LRRC4C: variants seen among roughly 807,000 people sequenced by gnomAD.
LRRC4C encodes the protein leucine rich repeat containing 4C.
In LRRC4C, 5 loss-of-function variants were observed where a neutral mutation model predicts 33.6. The ratio of observed to expected loss-of-function variants is 0.15; its 90% confidence interval spans 0.08 to 0.31. LRRC4C has a LOEUF of 0.31. Among genes scored for constraint, LRRC4C ranks in the 10% least tolerant of loss-of-function variants. The probability of loss-of-function intolerance (pLI) is 1.00; values close to 1 mark genes in which losing one functional copy is unlikely to be tolerated. For missense variants in LRRC4C, 560 were observed against 796.7 expected, an observed-to-expected ratio of 0.70 and a Z score of 3.58; for synonymous variants, 329 against 302.0, an observed-to-expected ratio of 1.09 and a Z score of -0.93.
chr11:40,562,027 T>A (rs1565507077), intron 3 of LRRC4C, among the ~76,000 whole-genome samples: 2 of 152,200 alleles, frequency 1.3e-5, no homozygotes, highest in Non-Finnish European at 2.9e-5. Context: ...AGAGAAAATA[T>A]CACCCACATA....
chr11:40,443,336 C>G (rs772085739), intron 3 of LRRC4C, among the ~76,000 whole-genome samples: 1 of 152,166 alleles, frequency 6.6e-6, no homozygotes, highest in Non-Finnish European at 1.5e-5. Context: ...GCTTTCATTG[C>G]TATTACAAAT....
At chr11:40,777,612 C>T (rs1203504439) in intron 2 of LRRC4C, among the ~76,000 whole-genome samples, 3 of 150,388 alleles carry the variant, frequency 2.0e-5, no homozygotes, top group South Asian at 4.3e-4. Flanking sequence ...TAATGCTTTA[C>T]TCTGAGTCTT....
At chr11:41,239,151 TAA>T (rs71466925) in intron 1 of LRRC4C, among the ~76,000 whole-genome samples, 237 of 112,710 alleles carry the variant, frequency 2.1e-3, no homozygotes, top group African/African-American at 2.8e-3. Context: ...CCGTCTCTAC[TAA>T]AAAAAAAAAA....
chr11:41,087,406 A>G (rs1940083609), intron 1 of LRRC4C, among the ~76,000 whole-genome samples: 1 of 152,194 alleles, frequency 6.6e-6, no homozygotes, highest in Non-Finnish European at 1.5e-5. Context: ...TTCAATGGTC[A>G]TGAGCATTTC....
At chr11:40,596,554 C>A (rs1186039416) in intron 3 of LRRC4C, among the ~76,000 whole-genome samples, 1 of 151,876 alleles carries the variant, frequency 6.6e-6, no homozygotes, top group African/African-American at 2.4e-5. Context: ...CTTATTAATT[C>A]TACCTAAGCA....
intron 3 of LRRC4C, among the ~76,000 whole-genome samples, chr11:40,539,051 T>C (rs143884508): frequency 6.6e-6 from 1 of 152,150 alleles, no homozygotes; most frequent in Non-Finnish European, 1.5e-5. Flanking sequence ...CACTCTTTAG[T>C]CCCTCCACAA....
intron 1 of LRRC4C, among the ~76,000 whole-genome samples, chr11:41,405,491 G>GA (rs756160270): frequency 1.3e-5 from 2 of 152,034 alleles, no homozygotes; most frequent in Non-Finnish European, 2.9e-5. Flanking sequence ...TAGGCTGTTG[G>GA]AAAAATAAGA....
chr11:40,647,507 T>A (rs966430883), intron 3 of LRRC4C, among the ~76,000 whole-genome samples: 8 of 152,210 alleles, frequency 5.3e-5, no homozygotes, highest in African/African-American at 1.9e-4. Flanking sequence ...AACCCAATCC[T>A]CCAGCTTACA....
At chr11:41,018,207 A>G (rs1312096694) in intron 1 of LRRC4C, among the ~76,000 whole-genome samples, 1 of 152,242 alleles carries the variant, frequency 6.6e-6, no homozygotes, top group Non-Finnish European at 1.5e-5. Context: ...ATATACTATT[A>G]GCTTAAGTGA....
At chr11:41,400,895 G>T (rs1954000872) in intron 1 of LRRC4C, among the ~76,000 whole-genome samples, 1 of 151,830 alleles carries the variant, frequency 6.6e-6, no homozygotes, top group African/African-American at 2.4e-5. Flanking sequence ...TTTGTCCCCT[G>T]TTCCCATAAA....
At chr11:40,406,070 C>T (rs919703353) in intron 3 of LRRC4C, among the ~76,000 whole-genome samples, 8 of 152,068 alleles carry the variant, frequency 5.3e-5, no homozygotes, top group African/African-American at 1.4e-4. Context: ...CAGATCACTG[C>T]GGGATGGCGC....
At chr11:40,134,018 A>C (rs1199033401) in intron 6 of LRRC4C, among the ~76,000 whole-genome samples, 3 of 152,108 alleles carry the variant, frequency 2.0e-5, no homozygotes, top group Non-Finnish European at 4.4e-5. Context: ...TCCTAGAGAA[A>C]TTCTATTCTC....
At chr11:40,642,873 A>T (rs11035986) in intron 3 of LRRC4C, among the ~76,000 whole-genome samples, 24,073 of 152,182 alleles carry the variant, frequency 0.16, 1,927 homozygotes, top group Non-Finnish European at 0.18. Context: ...CATTTTAGAC[A>T]TCAAAAAAGA....
At chr11:40,847,358 G>C (rs533308331) in intron 2 of LRRC4C, among the ~76,000 whole-genome samples, 2 of 152,094 alleles carry the variant, frequency 1.3e-5, no homozygotes, top group African/African-American at 2.4e-5. Context: ...TAGCATGAAG[G>C]AGTGTTGAAT....
intron 3 of LRRC4C, among the ~76,000 whole-genome samples, chr11:40,630,594 A>G (rs1402816390): frequency 6.6e-6 from 1 of 152,100 alleles, no homozygotes; most frequent in African/African-American, 2.4e-5. Flanking sequence ...AGAAAGGTTA[A>G]ATAAATTATC....
intron 2 of LRRC4C, among the ~76,000 whole-genome samples, chr11:40,900,722 A>G (rs1019995500): frequency 6.6e-6 from 1 of 151,974 alleles, no homozygotes; most frequent in Non-Finnish European, 1.5e-5. Context: ...TTGTAATCCC[A>G]TTGCAAGTGT....
intron 2 of LRRC4C, among the ~76,000 whole-genome samples, chr11:40,741,986 A>G (rs1948178390): frequency 6.6e-6 from 1 of 152,044 alleles, no homozygotes; most frequent in Admixed American, 6.6e-5. Flanking sequence ...TGTTACTCCT[A>G]GCTAGAATCA....
At chr11:40,577,308 C>A (rs1174229846) in intron 3 of LRRC4C, among the ~76,000 whole-genome samples, 1 of 152,216 alleles carries the variant, frequency 6.6e-6, no homozygotes, top group African/African-American at 2.4e-5. Context: ...ATACCCTCTG[C>A]ACTTTTCATA....
chr11:40,329,534 C>T (rs553163600), intron 3 of LRRC4C, among the ~76,000 whole-genome samples: 1 of 152,108 alleles, frequency 6.6e-6, no homozygotes, highest in Non-Finnish European at 1.5e-5. Flanking sequence ...CCTTTGTGTA[C>T]CTCGTGGTAT....
Sources: gnomAD v4.1 joint callset for allele counts (sites outside exome capture counted in the v4.1 genomes callset) on GRCh38, gnomAD v4.1.1 for gene constraint, MANE v1.5 for transcripts, NCBI Gene and HGNC (gene_info 2026-07-23, HGNC 2026-07-21) for gene names.